Variants in EIF2S1 observed in about 807,000 individuals in gnomAD.
EIF2S1 encodes eukaryotic translation initiation factor 2 subunit alpha, also known as eukaryotic translation initiation factor 2 subunit 1.
In EIF2S1, 5 loss-of-function variants were observed where a neutral mutation model predicts 33.5. The observed-to-expected ratio is 0.15, with a 90% CI of 0.08 to 0.31. The LOEUF (loss-of-function observed/expected upper bound fraction) is 0.31. EIF2S1 is among the 10% of genes least tolerant of loss of function. The pLI, the probability that EIF2S1 is intolerant of heterozygous loss-of-function variation, is 1.00. For missense variants in EIF2S1, 191 were observed against 384.6 expected, an observed-to-expected ratio of 0.50 and a Z score of 4.21; for synonymous variants, 99 against 127.5, an observed-to-expected ratio of 0.78 and a Z score of 1.51.
In EIF2S1 at chr14:67,377,746, CTA is replaced by C. The variant is rs558403827; in HGVS notation, c.473+1159_473+1160del. Among the ~76,000 whole-genome samples the C allele has an allele frequency of 3.9e-4, 60 of 152,206 alleles. 1 individual carries two copies. Among genetic ancestry groups the C allele is most frequent in the Middle Eastern group, 3.4e-3 (1 of 294 alleles). On this transcript the variant is annotated intron_variant, in intron 4 of 7. Transcript: ENST00000256383. Reference sequence around the variant, plus strand: ...ATATCTCTAGTTTCTTCCATTTATACTATAAAACCCACTTCTCAACTTTTCCT... The same window carrying C: ...ATATCTCTAGTTTCTTCCATTTATACTAAAACCCACTTCTCAACTTTTCCT...
chr14:67,370,352 AAAT>A lies in EIF2S1; in HGVS notation c.242-4110_242-4108del, dbSNP rs1376695217. 2.0e-5 allele frequency among the ~76,000 whole-genome samples: 3 copies of A among 152,368 alleles called. No individual in the cohort carries two copies. In the East Asian group the frequency reaches 5.8e-4, roughly 29 times the overall value. Reference sequence around the variant, plus strand: ...CAACACAAAGTAAGTAGAAGAAAAGAAATAATAAGGATAAGATAATCGGTGAAA... The same window carrying A: ...CAACACAAAGTAAGTAGAAGAAAAGAAATAAGGATAAGATAATCGGTGAAA... On this transcript the variant is annotated intron_variant, in intron 2 of 7. Transcript: ENST00000256383.
intron 5 of EIF2S1, among the ~76,000 whole-genome samples, chr14:67,381,197 T>C (rs1343573935): frequency 6.6e-6 from 1 of 152,218 alleles, no homozygotes; most frequent in Non-Finnish European, 1.5e-5. Context: ...ATAGAACAGA[T>C]AAACCTTAAC....
chr14:67,363,590 G>T (rs1199086594), intron 1 of EIF2S1, among the ~76,000 whole-genome samples: 1 of 152,144 alleles, frequency 6.6e-6, no homozygotes, highest in Non-Finnish European at 1.5e-5. Context: ...CCTGTTAGCA[G>T]TATGTGAAAG....
intron 7 of EIF2S1, 79 bp from the exon 8 acceptor site, chr14:67,383,236 A>G: frequency 6.8e-7 from 1 of 1,479,948 alleles, no homozygotes; most frequent in Non-Finnish European, 9.2e-7. Flanking sequence ...GAGAGAAAAC[A>G]TTAGGCAGTA....
chr14:67,362,620 C>T (rs1279318297), intron 1 of EIF2S1, among the ~76,000 whole-genome samples: 1 of 151,898 alleles, frequency 6.6e-6, no homozygotes, highest in Non-Finnish European at 1.5e-5. Flanking sequence ...AGTTGTTCCC[C>T]GAGTTTACTA....
chr14:67,369,159 G>A (rs906172823), intron 2 of EIF2S1, among the ~76,000 whole-genome samples: 2 of 152,128 alleles, frequency 1.3e-5, no homozygotes, highest in Non-Finnish European at 2.9e-5. Flanking sequence ...AGATATACTT[G>A]GTTGAAAATA....
At chr14:67,367,327 T>C (rs1318693726) in intron 2 of EIF2S1, among the ~76,000 whole-genome samples, 1 of 152,138 alleles carries the variant, frequency 6.6e-6, no homozygotes, top group African/African-American at 2.4e-5. Flanking sequence ...GACTCCCTGG[T>C]TCAAGCAATT....
chr14:67,374,643 C>A, intron 3 of EIF2S1, 96 bp downstream of exon 3: 1 of 765,050 alleles, frequency 1.3e-6, no homozygotes, highest in Non-Finnish European at 2.0e-6. Context: ...TAAAGTATTG[C>A]TTATGATCTA....
intron 1 of EIF2S1, among the ~76,000 whole-genome samples, chr14:67,361,446 A>C (rs2085740100): frequency 6.6e-6 from 1 of 152,224 alleles, no homozygotes; most frequent in Non-Finnish European, 1.5e-5. Context: ...TATAATGATG[A>C]AATAAAAGCT....
chr14:67,383,444 T>C lies in EIF2S1; in HGVS notation c.*4T>C. The C allele has an allele frequency of 6.2e-7, 1 of 1,612,728 alleles. No homozygotes were observed. Among genetic ancestry groups the C allele is most frequent in the Non-Finnish European group, 8.5e-7 (1 of 1,179,024 alleles). On this transcript the variant is annotated 3_prime_UTR_variant, in exon 8 of 8. Coordinates refer to ENST00000256383, the MANE Select transcript of EIF2S1 (RefSeq NM_004094.5). ...GGAAGCCAAAGCTGAAGATTAACTT[T>C]GTGGGAAACAGAGTCCAATTTAAGG...
chr14:67,362,993 T>G (rs1182972534), intron 1 of EIF2S1, among the ~76,000 whole-genome samples: 2 of 152,184 alleles, frequency 1.3e-5, no homozygotes, highest in African/African-American at 4.8e-5. Flanking sequence ...ATTGCCCATG[T>G]TTTTTAACCA....
chr14:67,370,593 A>G (rs1324716982), intron 2 of EIF2S1, among the ~76,000 whole-genome samples: 4 of 152,260 alleles, frequency 2.6e-5, no homozygotes, highest in Non-Finnish European at 4.4e-5. Flanking sequence ...TTTTATGCCA[A>G]TCATCTCAAC....
intron 1 of EIF2S1, chr14:67,360,799 G>A (rs2031564): frequency 0.31 from 47,744 of 152,088 alleles, 11,386 homozygotes; most frequent in African/African-American, 0.64. Context: ...TCTTAACCCC[G>A]GCTCAGGACG....
At chr14:67,369,316 A>G (rs950876677) in intron 2 of EIF2S1, among the ~76,000 whole-genome samples, 16 of 152,232 alleles carry the variant, frequency 1.1e-4, no homozygotes, top group African/African-American at 3.9e-4. Context: ...GTTAGAAGGA[A>G]AACAACAGTC....
intron 2 of EIF2S1, among the ~76,000 whole-genome samples, chr14:67,372,632 T>C (rs2085830390): frequency 6.6e-6 from 1 of 152,056 alleles, no homozygotes. Flanking sequence ...AGATTGAGAC[T>C]ATCCTGGCCA....
intron 4 of EIF2S1, among the ~76,000 whole-genome samples, chr14:67,378,407 A>C (rs555648049): frequency 2.0e-5 from 3 of 151,634 alleles, no homozygotes; most frequent in South Asian, 2.1e-4. Flanking sequence ...TTCTAACAAC[A>C]ACCTGTGGTA....
chr14:67,384,692 C>G lies in EIF2S1; in HGVS notation c.*1252C>G, dbSNP rs1328177944. 3 of 152,140 alleles carry G rather than the reference C, an allele frequency of 2.0e-5. No homozygotes were observed. Among genetic ancestry groups the G allele is most frequent in the African/African-American group, 7.2e-5 (3 of 41,424 alleles). The allele number at this position is 152,140 out of a possible 1,614,324, so 9.4% of individuals were successfully genotyped here. On this transcript the variant is annotated 3_prime_UTR_variant, in exon 8 of 8. Transcript: ENST00000256383. ...GAGTGTGTTGGGCAGGTAGTTTGTACCATTTATGAAGGTTTGTTCCTTTGT... is the reference window on the plus strand; with the variant it reads ...GAGTGTGTTGGGCAGGTAGTTTGTAGCATTTATGAAGGTTTGTTCCTTTGT...
intron 2 of EIF2S1, among the ~76,000 whole-genome samples, chr14:67,372,082 T>C (rs1437237153): frequency 6.6e-6 from 1 of 152,032 alleles, no homozygotes; most frequent in Non-Finnish European, 1.5e-5. Context: ...CTGGGCAACA[T>C]AGCAGGACCT....
chr14:67,364,091 G>T (rs912144273), intron 1 of EIF2S1: 7 of 152,174 alleles, frequency 4.6e-5, no homozygotes, highest in Non-Finnish European at 1.0e-4. Flanking sequence ...TCAAGATTAG[G>T]TATACCTATT....
Sources: gnomAD v4.1 joint callset for allele counts (sites outside exome capture counted in the v4.1 genomes callset) on GRCh38, gnomAD v4.1.1 for gene constraint, MANE v1.5 for transcripts, NCBI Gene and HGNC (gene_info 2026-07-23, HGNC 2026-07-21) for gene names.